LRP4: variants seen among roughly 807,000 people sequenced by gnomAD.
LRP4 encodes the protein LDL receptor related protein 4.
A neutral mutation model predicts 220.3 loss-of-function variants in LRP4; 95 were observed. The ratio of observed to expected loss-of-function variants is 0.43; its 90% CI spans 0.37 to 0.51. The LOEUF (loss-of-function observed/expected upper bound fraction) is 0.51, where lower values mean the gene tolerates loss of function less well. LRP4 is among the 20% of genes least tolerant of loss of function. The probability of loss-of-function intolerance (pLI) is 0.00; values close to 1 mark genes in which losing one functional copy is unlikely to be tolerated. For synonymous variants in LRP4, 903 were observed against 954.6 expected (o/e 0.95, Z 1.00); for missense variants, 1,925 against 2,567.0 (o/e 0.75, Z 5.40).
Position 46,894,830 on chromosome 11 carries a change from G to A in LRP4, c.1310-11C>T, listed in dbSNP as rs1941491613. The A allele has an allele frequency of 6.2e-7, 1 of 1,611,116 alleles. No individual in the cohort carries two copies. Among genetic ancestry groups the A allele is most frequent in the Admixed American group, 1.7e-5 (1 of 60,004 alleles). On this transcript the variant is annotated splice_polypyrimidine_tract_variant and intron_variant, in intron 11 of 37. Coordinates refer to ENST00000378623, the MANE Select transcript of LRP4 (RefSeq NM_002334.4). ...GCACAGGCTCTGGCCCTGGGAAACA[G>A]TATAAACATGGGATACCCACTGGGT...
intron 37 of LRP4, 32 bp from the exon 38 acceptor site, chr11:46,859,347 C>T: frequency 6.6e-7 from 1 of 1,520,574 alleles, no homozygotes; most frequent in South Asian, 1.1e-5. Flanking sequence ...TATGGTCAGT[C>T]AGTTGGCCTT....
At chr11:46,896,823 C>A (rs1941542137) in intron 8 of LRP4, 46 bp downstream of exon 8, 7 of 1,613,634 alleles carry the variant, frequency 4.3e-6, no homozygotes, top group Non-Finnish European at 5.1e-6. Context: ...CACCCTTCCA[C>A]CCCAACTATA....
chr11:46,882,898 AC>A (rs1160102221), intron 19 of LRP4, among the ~76,000 whole-genome samples: 1 of 152,044 alleles, frequency 6.6e-6, no homozygotes, highest in African/African-American at 2.4e-5. Flanking sequence ...GTAGATCTAT[AC>A]ACTCAACTGG....
intron 2 of LRP4, among the ~76,000 whole-genome samples, chr11:46,900,727 G>T (rs1941649174): frequency 6.6e-6 from 1 of 151,574 alleles, no homozygotes; most frequent in Non-Finnish European, 1.5e-5. Flanking sequence ...CCGACCTCAG[G>T]TGATCTGCCT....
At position 46,859,338 on chromosome 11, in the gene LRP4, A is replaced by G. The variant is rs778768417; in HGVS notation, c.5386-23T>C. On this transcript the variant is annotated intron_variant, in intron 37 of 37. Coordinates refer to ENST00000378623, the MANE Select transcript of LRP4 (RefSeq NM_002334.4). The stretch of plus-strand genomic sequence containing the variant: ...TCCCTAGGGTGGAGAGTGGGCAGAT[A>G]TGGTCAGTCAGTTGGCCTTCTACAA... 6.4e-6 allele frequency: 10 copies of G among 1,564,594 alleles called. No individual in the cohort carries two copies. The Admixed American group carries it at 1.3e-4, about 21-fold the overall frequency.
intron 30 of LRP4, among the ~76,000 whole-genome samples, chr11:46,871,975 C>T (rs904724122): frequency 1.3e-5 from 2 of 152,114 alleles, no homozygotes; most frequent in East Asian, 1.9e-4. Flanking sequence ...AGAGCTCACT[C>T]GGCCGGGCAT....
In LRP4 at chr11:46,873,777, G is replaced by A; in HGVS notation, c.4230-184C>T. 1 of 585,428 alleles carries A rather than the reference G, an allele frequency of 1.7e-6. No individual in the cohort carries two copies. 36.3% of individuals were successfully genotyped at this position (585,428 alleles called of 1,614,324 possible). On this transcript the variant is annotated intron_variant, in intron 28 of 37. Coordinates refer to ENST00000378623, the MANE Select transcript of LRP4 (RefSeq NM_002334.4). This position sits in a 1 kb window ranked among gnomAD's most constrained non-coding sequence, Gnocchi z 4.2. ...ATGTTCAATAAAATAATTGCAGAAT[G>A]AAGGAACCAGTTCTTAGGAGGACAC...
At chr11:46,916,256 T>C (rs1345693443) in intron 1 of LRP4, among the ~76,000 whole-genome samples, 1 of 151,902 alleles carries the variant, frequency 6.6e-6, no homozygotes, top group Non-Finnish European at 1.5e-5. Flanking sequence ...CTTGGCAACA[T>C]GGTGAAACCC....
In LRP4 at chr11:46,895,990, A is replaced by G. The variant is rs1357236911; in HGVS notation, c.1077T>C (p.Asn359=). 1 of 1,614,148 alleles carries G rather than the reference A, an allele frequency of 6.2e-7. No individual in the cohort carries two copies. The highest frequency in any genetic ancestry group is 1.7e-5 in the Admixed American group (1 of 60,022). ...TCTGGGCACAGCCACCGTTGTTAAC[A>G]TTGCAGTTCTCCTCACCCGTCCGGG... ...CRPRTGEENC[N]VNNGGCAQKC... is the part of the protein sequence containing the mutation. Residue 359 remains asparagine (N), a synonymous_variant, in exon 10 of 38, where the codon AAT becomes AAC. Transcript: ENST00000378623.
At chr11:46,864,005 T>A (rs1407344520) in intron 36 of LRP4, among the ~76,000 whole-genome samples, 1 of 152,206 alleles carries the variant, frequency 6.6e-6, no homozygotes, top group East Asian at 1.9e-4. Flanking sequence ...CATTCTACCT[T>A]TCCAGAATGA....
Position 46,895,942 on chromosome 11 carries a change from T to G in LRP4, c.1125A>C (p.Ala375=). The change falls in exon 10 of 38, where the codon GCA becomes GCC. Residue 375 remains alanine, a synonymous_variant. Transcript: ENST00000378623. ...CAQKCQMVRG[A]VQCTCHTGYR... is the part of the protein sequence containing the mutation. The stretch of plus-strand genomic sequence containing the variant: ...AGCCTGTGTGGCAGGTACACTGCAC[T>G]GCCCCCCGCACCATCTGGCACTTCT... 6.2e-7 allele frequency: 1 copy of G among 1,614,024 alleles called. No individual in the cohort carries two copies.
chr11:46,885,048 T>G (rs1283168698), intron 18 of LRP4, among the ~76,000 whole-genome samples: 1 of 152,162 alleles, frequency 6.6e-6, no homozygotes, highest in African/African-American at 2.4e-5. Context: ...TGCAGTGGTG[T>G]GATCATGGCT....
intron 16 of LRP4, among the ~76,000 whole-genome samples, chr11:46,888,302 C>T (rs1445761622): frequency 6.7e-6 from 1 of 150,182 alleles, no homozygotes; most frequent in Non-Finnish European, 1.5e-5. Flanking sequence ...GCCTGTAATG[C>T]CAGCACTTTG....
intron 28 of LRP4, 48 bp downstream of exon 28, chr11:46,874,752 G>A (rs1940963752): frequency 3.2e-6 from 5 of 1,571,098 alleles, no homozygotes; most frequent in Non-Finnish European, 4.4e-6. Context: ...ACCCATGGGC[G>A]ACCAGAAGCA....
intron 1 of LRP4, among the ~76,000 whole-genome samples, chr11:46,903,135 G>A (rs531143999): frequency 1.3e-5 from 2 of 152,330 alleles, no homozygotes; most frequent in South Asian, 4.1e-4. Flanking sequence ...GGCTTACAAA[G>A]AGTCCAGGTG....
chr11:46,886,463 C>T lies in LRP4; in HGVS notation c.2286G>A (p.Leu762=). The change falls in exon 17 of 38, where the codon CTG becomes CTA. Residue 762 remains leucine (L), a synonymous_variant. Transcript: ENST00000378623. The part of the protein sequence containing the change: ...IRRISFDTED[L]SDDVIPLADV... The stretch of plus-strand genomic sequence containing the variant: ...CAGCCAGTGGGATGACATCATCAGA[C>T]AGGTCCTCTGTGTCAAAGCTGATTC... 3 of 1,614,156 alleles carry T rather than the reference C, an allele frequency of 1.9e-6. No individual in the cohort carries two copies. The highest frequency in any genetic ancestry group is 2.5e-6 in the Non-Finnish European group (3 of 1,180,024).
rs267607224 is a variant in LRP4 at position 46,894,784 on chromosome 11, C to T, written c.1345G>A (p.Asp449Asn). 3 of 1,614,176 alleles carry T rather than the reference C, an allele frequency of 1.9e-6. No individual in the cohort carries two copies. Among genetic ancestry groups the T allele is most frequent in the South Asian group, 1.1e-5 (1 of 91,080 alleles). The change falls in exon 12 of 38, where the codon GAC becomes AAC. Residue 449 changes from aspartate to asparagine, a missense_variant. Transcript: ENST00000378623. ...CGGTGTGGCAGCACCTGCCGGATGT[C>T]GATGCGATTGGCGAACAGCAGCACA... The part of the protein sequence containing the change: ...EPVLLFANRI[D>N]IRQVLPHRSE...
intron 1 of LRP4, among the ~76,000 whole-genome samples, chr11:46,911,194 T>C (rs186350387): frequency 5.9e-4 from 90 of 152,324 alleles, no homozygotes; most frequent in Non-Finnish European, 9.3e-4. Flanking sequence ...TCTTGTTATT[T>C]GTACTAATCC....
chr11:46,892,871 C>T, intron 13 of LRP4, 102 bp downstream of exon 13: 6 of 1,452,288 alleles, frequency 4.1e-6, no homozygotes, highest in Non-Finnish European at 5.7e-6. Context: ...CGCCCAGCTA[C>T]ACCACACTTT....
Sources: allele counts gnomAD v4.1 joint callset (sites outside exome capture counted in the v4.1 genomes callset), GRCh38; gene constraint gnomAD v4.1.1; non-coding constraint Gnocchi (gnomAD v3.1); transcripts MANE v1.5; gene names NCBI Gene and HGNC (gene_info 2026-07-23, HGNC 2026-07-21).